The following CMSS1 variants were observed in gnomAD, a reference collection of about 807,000 sequenced individuals.
CMSS1 encodes the protein protein CMSS1.
Under a neutral mutation model 43.5 loss-of-function variants are expected in CMSS1, and 33 were observed. The observed-to-expected ratio is 0.76, with a 90% CI of 0.57 to 1.01. The LOEUF (loss-of-function observed/expected upper bound fraction) is 1.01. Among genes scored for constraint, CMSS1 ranks in the 50% least tolerant of loss-of-function variants. CMSS1 has a pLI of 0.00. For missense variants in CMSS1, 313 were observed against 326.4 expected, an observed-to-expected ratio of 0.96 and a Z score of 0.32; for synonymous variants, 115 against 117.2, an observed-to-expected ratio of 0.98 and a Z score of 0.12.
At chr3:99,858,761 A>C (rs1944097966) in intron 1 of CMSS1, among the ~76,000 whole-genome samples, 1 of 152,212 alleles carries the variant, frequency 6.6e-6, no homozygotes, top group African/African-American at 2.4e-5. Context: ...TGTTATTATG[A>C]AGATATCTTC....
intron 1 of CMSS1, among the ~76,000 whole-genome samples, chr3:100,130,766 C>T (rs2107499266): frequency 6.6e-6 from 1 of 152,284 alleles, no homozygotes; most frequent in Middle Eastern, 3.4e-3. Context: ...GGCCCACAAG[C>T]TTAAAGTATT....
At chr3:100,035,162 T>TTGA (rs1477752915) in intron 1 of CMSS1, among the ~76,000 whole-genome samples, 2 of 152,242 alleles carry the variant, frequency 1.3e-5, no homozygotes, top group East Asian at 3.8e-4. Context: ...TATTAGCAAT[T>TTGA]TGATGATGAA....
At chr3:100,133,693 C>T (rs1489044392) in intron 1 of CMSS1, among the ~76,000 whole-genome samples, 4 of 152,092 alleles carry the variant, frequency 2.6e-5, no homozygotes, top group South Asian at 2.1e-4. Context: ...TTGTGGTTCT[C>T]GAAGATCAAT....
intron 1 of CMSS1, among the ~76,000 whole-genome samples, chr3:99,873,694 C>G (rs1047510907): frequency 5.9e-5 from 9 of 152,020 alleles, no homozygotes; most frequent in African/African-American, 2.2e-4. Context: ...AGCAGAGAAC[C>G]CTTAAACAAA....
At chr3:99,959,986 G>T (rs1408638655) in intron 1 of CMSS1, among the ~76,000 whole-genome samples, 3 of 152,104 alleles carry the variant, frequency 2.0e-5, no homozygotes, top group Non-Finnish European at 4.4e-5. Flanking sequence ...TGGGAGTTAG[G>T]CCTAGCTGTT....
chr3:100,085,624 C>G (rs1483809362), intron 1 of CMSS1, among the ~76,000 whole-genome samples: 1 of 152,174 alleles, frequency 6.6e-6, no homozygotes, highest in Non-Finnish European at 1.5e-5. Context: ...CATCCTCAAG[C>G]TTACAGGCTT....
chr3:99,873,442 AG>A (rs1705340123), intron 1 of CMSS1, among the ~76,000 whole-genome samples: 2 of 152,298 alleles, frequency 1.3e-5, no homozygotes, highest in African/African-American at 4.8e-5. Flanking sequence ...CACAATATCC[AG>A]TCTTTTATAA....
rs2067177543 is a variant in CMSS1, at chr3:100,180,422, G to A, written c.*2034G>A. 1 of 152,206 alleles carries A rather than the reference G, an allele frequency of 6.6e-6. No homozygotes were observed. Among genetic ancestry groups the A allele is most frequent in the African/African-American group, 2.4e-5 (1 of 41,454 alleles). 9.4% of individuals were successfully genotyped at this position (152,206 alleles called of 1,614,324 possible). On this transcript the variant is annotated 3_prime_UTR_variant, in exon 10 of 10. Transcript: ENST00000421999. The stretch of plus-strand genomic sequence containing the variant: ...TTATGCAAATGAGCATAGGCTTTTA[G>A]AAGCAACCAGGCCACCTCTTGAACA...
intron 1 of CMSS1, among the ~76,000 whole-genome samples, chr3:100,100,259 G>A (rs1330830511): frequency 6.6e-6 from 1 of 152,130 alleles, no homozygotes; most frequent in Non-Finnish European, 1.5e-5. Flanking sequence ...TTGGACAAGA[G>A]ATAGAACAGG....
At chr3:100,054,015 A>G (rs1195768858) in intron 1 of CMSS1, among the ~76,000 whole-genome samples, 1 of 152,244 alleles carries the variant, frequency 6.6e-6, no homozygotes, top group African/African-American at 2.4e-5. Flanking sequence ...ACTTAAAAGT[A>G]TGTAATATTC....
At chr3:99,871,958 C>T (rs554231554) in intron 1 of CMSS1, among the ~76,000 whole-genome samples, 11 of 151,982 alleles carry the variant, frequency 7.2e-5, no homozygotes, top group Admixed American at 7.2e-4. Flanking sequence ...TTTTTTATTG[C>T]TTATACTTAA....
intron 1 of CMSS1, among the ~76,000 whole-genome samples, chr3:100,014,891 C>CTTTTTTTTT (rs1710284139): frequency 7.3e-5 from 2 of 27,228 alleles, no homozygotes; most frequent in Non-Finnish European, 6.9e-5. Context: ...TTTTTTCTTT[C>CTTTTTTTTT]TTTCTTTTTT....
At chr3:100,077,288 G>A (rs1327703218) in intron 1 of CMSS1, among the ~76,000 whole-genome samples, 2 of 152,166 alleles carry the variant, frequency 1.3e-5, no homozygotes, top group African/African-American at 4.8e-5. Flanking sequence ...AGTGATGCAT[G>A]GTGTTCTTAA....
chr3:100,164,586 A>T lies in CMSS1; in HGVS notation c.356-1749A>T, dbSNP rs533447631. On this transcript the variant is annotated intron_variant, in intron 4 of 9. Coordinates refer to ENST00000421999, the MANE Select transcript of CMSS1 (RefSeq NM_032359.4). The stretch of plus-strand genomic sequence containing the variant: ...AAAGGACAGGTTTTTATTTTTAGTT[A>T]AAAAAATTAGGCCATTTAAGACACA... Among the ~76,000 whole-genome samples the T allele has an allele frequency of 3.3e-5, 5 of 152,286 alleles. No individual in the cohort carries two copies. The South Asian group carries it at 6.2e-4, about 19-fold the overall frequency.
intron 1 of CMSS1, among the ~76,000 whole-genome samples, chr3:99,900,530 AG>A (rs910875744): frequency 1.6e-4 from 24 of 152,200 alleles, no homozygotes; most frequent in African/African-American, 5.5e-4. Flanking sequence ...TTTCAAACCA[AG>A]GAAGTTTGGC....
chr3:99,845,986 TATC>T (rs1412321253), intron 1 of CMSS1, among the ~76,000 whole-genome samples: 1 of 152,232 alleles, frequency 6.6e-6, no homozygotes, highest in East Asian at 1.9e-4. Context: ...ATTTGTGCAT[TATC>T]ATAATAGAAC....
chr3:99,841,512 A>T (rs1943130843), intron 1 of CMSS1, among the ~76,000 whole-genome samples: 1 of 152,126 alleles, frequency 6.6e-6, no homozygotes, highest in South Asian at 2.1e-4. Flanking sequence ...TTCATTAGTA[A>T]CCTCACCTCC....
chr3:99,982,201 C>A (rs897808809), intron 1 of CMSS1, among the ~76,000 whole-genome samples: 1 of 151,804 alleles, frequency 6.6e-6, no homozygotes, highest in Non-Finnish European at 1.5e-5. Context: ...ATAGTATTGT[C>A]TATATGCATG....
chr3:100,070,719 C>T (rs541203082), intron 1 of CMSS1, among the ~76,000 whole-genome samples: 3 of 152,292 alleles, frequency 2.0e-5, no homozygotes, highest in Admixed American at 2.0e-4. Context: ...GCAACCTCCA[C>T]CTCCCGGGTT....
Sources: allele counts gnomAD v4.1 joint callset (sites outside exome capture counted in the v4.1 genomes callset), GRCh38; gene constraint gnomAD v4.1.1; transcripts MANE v1.5; gene names NCBI Gene and HGNC (gene_info 2026-07-23, HGNC 2026-07-21).